Variants in NIBAN1 observed in about 807,000 individuals in gnomAD.
The protein encoded by NIBAN1 is niban apoptosis regulator 1, also known as protein Niban 1.
In NIBAN1, 81 loss-of-function variants were observed where a neutral mutation model predicts 75.1. The ratio of observed to expected loss-of-function variants is 1.08; its 90% CI spans 0.90 to 1.30. The LOEUF (loss-of-function observed/expected upper bound fraction) is 1.30. Ranked by LOEUF, NIBAN1 falls within the 50% of genes most tolerant of loss-of-function variation. The pLI, the probability that NIBAN1 is intolerant of heterozygous loss-of-function variation, is 0.00. For synonymous variants in NIBAN1, 436 were observed against 424.8 expected (o/e 1.03, Z -0.32); for missense variants, 1,133 against 1,128.1 (o/e 1.00, Z -0.06).
At chr1:184,817,189 G>A (rs1048421572) in intron 9 of NIBAN1, among the ~76,000 whole-genome samples, 1 of 152,126 alleles carries the variant, frequency 6.6e-6, no homozygotes, top group African/African-American at 2.4e-5. Flanking sequence ...CCATGTCCCT[G>A]CAAAGGACAT....
Position 184,823,683 on chromosome 1 carries a change from A to G in NIBAN1, c.777T>C (p.Pro259=), listed in dbSNP as rs1654766076. 1 of 1,614,078 alleles carries G rather than the reference A, an allele frequency of 6.2e-7. No homozygotes were observed. Among genetic ancestry groups the G allele is most frequent in the South Asian group, 1.1e-5 (1 of 91,094 alleles). The change falls in exon 7 of 14, where the codon CCT becomes CCC. Residue 259 remains proline, a synonymous_variant. Coordinates refer to ENST00000367511, the MANE Select transcript of NIBAN1 (RefSeq NM_052966.4). ...LLPTLQTDLL[P]KMKGKKNDRK... is the part of the protein sequence containing the mutation. ...TGTCATTCTTCTTCCCCTTCATCTT[A>G]GGCAGCAGGTCTGTCTGAAGAGTGG...
chr1:184,940,770 T>C (rs949074257), intron 1 of NIBAN1, among the ~76,000 whole-genome samples: 3 of 152,252 alleles, frequency 2.0e-5, no homozygotes, highest in Non-Finnish European at 4.4e-5. Flanking sequence ...AGGCACACTC[T>C]GCATTCTCAG....
intron 5 of NIBAN1, among the ~76,000 whole-genome samples, chr1:184,883,332 G>C (rs544603787): frequency 6.8e-4 from 104 of 152,102 alleles, no homozygotes; most frequent in South Asian, 1.9e-3. Flanking sequence ...ATTGGTGGGT[G>C]TTTATCCATC....
intron 8 of NIBAN1, among the ~76,000 whole-genome samples, chr1:184,822,917 G>A (rs1654741622): frequency 6.6e-6 from 1 of 152,122 alleles, no homozygotes; most frequent in African/African-American, 2.4e-5. Flanking sequence ...TGGGGGTGCA[G>A]GCAGTATCAA....
At position 184,793,214 on chromosome 1, in the gene NIBAN1, C is replaced by T. The variant is rs552141179; in HGVS notation, c.*1763G>A. On this transcript the variant is annotated 3_prime_UTR_variant, in exon 14 of 14. Coordinates refer to ENST00000367511, the MANE Select transcript of NIBAN1 (RefSeq NM_052966.4). ...TCTAAAGAACTGACATAAATTTACT[C>T]GATAGTGATGATCTAAACAAGTTCT... The T allele has an allele frequency of 1.3e-5, 2 of 152,180 alleles. No individual in the cohort carries two copies. Among genetic ancestry groups the T allele is most frequent in the African/African-American group, 4.8e-5 (2 of 41,508 alleles). 9.4% of individuals were successfully genotyped at this position (152,180 alleles called of 1,614,324 possible). A position where few individuals can be genotyped will look rare whatever the true frequency, so the allele number is the denominator to read the frequency against.
At chr1:184,950,395 T>C (rs932084492) in intron 1 of NIBAN1, among the ~76,000 whole-genome samples, 2 of 152,224 alleles carry the variant, frequency 1.3e-5, no homozygotes, top group South Asian at 4.1e-4. Context: ...TCCACATTCT[T>C]AGGCAGGCAG....
At chr1:184,917,048 C>T (rs910354452) in intron 1 of NIBAN1, among the ~76,000 whole-genome samples, 6 of 152,170 alleles carry the variant, frequency 3.9e-5, no homozygotes, top group African/African-American at 1.4e-4. Context: ...CCCACCTGCC[C>T]ATTTTCCCGG....
intron 1 of NIBAN1, among the ~76,000 whole-genome samples, chr1:184,950,186 G>A (rs1183307234): frequency 6.6e-6 from 1 of 151,586 alleles, no homozygotes; most frequent in African/African-American, 2.4e-5. Flanking sequence ...TGTTAATTTA[G>A]ATGCAGATAA....
chr1:184,894,639 C>G (rs959716569), intron 2 of NIBAN1, among the ~76,000 whole-genome samples: 5 of 152,140 alleles, frequency 3.3e-5, no homozygotes, highest in Admixed American at 3.3e-4. Context: ...ATTAACAGAC[C>G]GTTCCCCTAT....
Position 184,845,778 on chromosome 1 carries a change from G to T in NIBAN1, c.602-13816C>A, listed in dbSNP as rs1345330755. Among the ~76,000 whole-genome samples the T allele has an allele frequency of 2.3e-5, 2 of 85,326 alleles. 1 individual carries two copies. Among genetic ancestry groups the T allele is most frequent in the Non-Finnish European group, 4.7e-5 (2 of 42,480 alleles). 56.0% of individuals were successfully genotyped at this position (85,326 alleles called of 152,430 possible). The stretch of plus-strand genomic sequence containing the variant: ...GCCAGTGTGTGTGCGCACCGTGCGC[G>T]AGCCGAAGCAGGGCGAGGCATTGCC... On this transcript the variant is annotated intron_variant, in intron 5 of 13. Transcript: ENST00000367511.
At chr1:184,925,539 G>T (rs1249480256) in intron 1 of NIBAN1, among the ~76,000 whole-genome samples, 5 of 151,690 alleles carry the variant, frequency 3.3e-5, no homozygotes, top group Non-Finnish European at 7.4e-5. Flanking sequence ...TTCTCCAGTG[G>T]TGTTTTTAAT....
chr1:184,819,028 C>G (rs971727053), intron 8 of NIBAN1, among the ~76,000 whole-genome samples: 5 of 152,132 alleles, frequency 3.3e-5, no homozygotes, highest in Admixed American at 6.5e-5. Context: ...AGAACTGGAC[C>G]AAACCTATCC....
intron 5 of NIBAN1, among the ~76,000 whole-genome samples, chr1:184,870,997 T>C (rs1656092184): frequency 1.3e-5 from 2 of 152,138 alleles, no homozygotes; most frequent in Admixed American, 1.3e-4. Flanking sequence ...TTAGATGAGA[T>C]CATTCTGGAA....
chr1:184,900,446 A>C (rs1002634474), intron 1 of NIBAN1, among the ~76,000 whole-genome samples: 4 of 152,208 alleles, frequency 2.6e-5, no homozygotes, highest in African/African-American at 9.6e-5. Context: ...TCTGCATGCC[A>C]TTGAAATATA....
rs889463795 is a variant in NIBAN1 at position 184,971,563 on chromosome 1, G to C, written c.55+2739C>G. On this transcript the variant is annotated intron_variant, in intron 1 of 13. Transcript: ENST00000367511. ...TGCGTGGCTGTAATCCTAGCTATTCGGGAGGCTGAGGCAGGAGAATCACTT... is the reference window on the plus strand; with the variant it reads ...TGCGTGGCTGTAATCCTAGCTATTCCGGAGGCTGAGGCAGGAGAATCACTT... Among the ~76,000 whole-genome samples the C allele has an allele frequency of 2.0e-5, 3 of 151,938 alleles. 1 individual carries two copies. The highest frequency in any genetic ancestry group is 1.3e-4 in the Admixed American group (2 of 15,264).
intron 1 of NIBAN1, among the ~76,000 whole-genome samples, chr1:184,961,780 G>A (rs1658657770): frequency 6.6e-6 from 1 of 152,258 alleles, no homozygotes; most frequent in African/African-American, 2.4e-5. Flanking sequence ...GTAAGGGAAA[G>A]TCTGCTAGTA....
At chr1:184,867,897 T>A (rs1318241468) in intron 5 of NIBAN1, 3 of 985,350 alleles carry the variant, frequency 3.0e-6, no homozygotes, top group East Asian at 1.1e-4. Flanking sequence ...AGCTTTTGTC[T>A]ACCCCGTCAC....
At chr1:184,931,265 G>T (rs541865107) in intron 1 of NIBAN1, among the ~76,000 whole-genome samples, 262 of 152,230 alleles carry the variant, frequency 1.7e-3, no homozygotes, top group Non-Finnish European at 3.1e-3. Flanking sequence ...CTCCCAAAGT[G>T]CTGGGATTAC....
chr1:184,973,738 C>T (rs1658995331), intron 1 of NIBAN1, among the ~76,000 whole-genome samples: 1 of 152,250 alleles, frequency 6.6e-6, no homozygotes. Flanking sequence ...CTTCGCCCCT[C>T]TCCGGGGCGG....
Sources: gnomAD v4.1 joint callset for allele counts (sites outside exome capture counted in the v4.1 genomes callset) on GRCh38, gnomAD v4.1.1 for gene constraint, MANE v1.5 for transcripts, NCBI Gene and HGNC (gene_info 2026-07-23, HGNC 2026-07-21) for gene names.